LSM4: variants seen among roughly 807,000 people sequenced by gnomAD.
LSM4 encodes U6 snRNA-associated Sm-like protein LSm4.
A neutral mutation model predicts 22.3 loss-of-function variants in LSM4; 15 were observed. The ratio of observed to expected loss-of-function variants is 0.67; its 90% CI spans 0.45 to 1.03. The LOEUF (loss-of-function observed/expected upper bound fraction) is 1.03, where lower values mean the gene tolerates loss of function less well. Among genes scored for constraint, LSM4 ranks in the 50% least tolerant of loss-of-function variants. The pLI is 0.00. For missense variants in LSM4, 127 were observed against 198.0 expected (o/e 0.64, Z 2.15); for synonymous variants, 90 against 79.8 (o/e 1.13, Z -0.68).
chr19:18,315,200 A>C (rs892104615), intron 2 of LSM4, among the ~76,000 whole-genome samples: 5 of 152,038 alleles, frequency 3.3e-5, no homozygotes, highest in Admixed American at 3.3e-4. Context: ...TTTTGGAGAC[A>C]GGGTTTCACT....
rs773584834 is a variant in LSM4, at chr19:18,312,593, G to A, written c.144+11C>T. The A allele has an allele frequency of 6.8e-6, 11 of 1,611,326 alleles. No individual in the cohort carries two copies. The highest frequency in any genetic ancestry group is 2.2e-5 in the South Asian group (2 of 91,038). On this transcript the variant is annotated intron_variant, in intron 3 of 4. Transcript: ENST00000593829. ...CTGCATCCCACCCCCGTTGGTGGGTGCAGCACCCACCCTGGACGTGCAGAT... is the reference window on the plus strand; with the variant it reads ...CTGCATCCCACCCCCGTTGGTGGGTACAGCACCCACCCTGGACGTGCAGAT...
intron 2 of LSM4, among the ~76,000 whole-genome samples, chr19:18,314,061 G>A (rs577671850): frequency 2.6e-5 from 4 of 152,076 alleles, no homozygotes; most frequent in South Asian, 4.2e-4. Context: ...TGATCCACCC[G>A]CCTTGGCCTC....
chr19:18,308,796 G>A (rs1427616065), intron 4 of LSM4, among the ~76,000 whole-genome samples: 3 of 152,320 alleles, frequency 2.0e-5, no homozygotes, highest in South Asian at 2.1e-4. Flanking sequence ...GCTGGCCTGG[G>A]CCACCAACCT....
chr19:18,311,211 G>A (rs1664126047), intron 3 of LSM4, among the ~76,000 whole-genome samples: 1 of 152,144 alleles, frequency 6.6e-6, no homozygotes, highest in South Asian at 2.1e-4. Flanking sequence ...CCTGGGCAGG[G>A]CCTGAGCTCA....
chr19:18,320,642 T>C (rs1025179524), intron 1 of LSM4, among the ~76,000 whole-genome samples: 4 of 151,568 alleles, frequency 2.6e-5, no homozygotes, highest in Non-Finnish European at 5.9e-5. Flanking sequence ...CTACTGAAAA[T>C]ACAAAAATTA....
chr19:18,308,889 G>A (rs1331625310), intron 4 of LSM4, among the ~76,000 whole-genome samples: 1 of 152,152 alleles, frequency 6.6e-6, no homozygotes, highest in Non-Finnish European at 1.5e-5. Flanking sequence ...GCACTCCATG[G>A]CCCAGTGGCT....
At chr19:18,307,908 C>T (rs1193637691) in intron 4 of LSM4, among the ~76,000 whole-genome samples, 1 of 150,584 alleles carries the variant, frequency 6.6e-6, no homozygotes, top group Non-Finnish European at 1.5e-5. Context: ...AGGCGTGGAG[C>T]AGAGACCAGG....
At chr19:18,322,393 C>G (rs932816577) in intron 1 of LSM4, among the ~76,000 whole-genome samples, 2 of 152,124 alleles carry the variant, frequency 1.3e-5, no homozygotes, top group African/African-American at 4.8e-5. Context: ...GAGACCTGGG[C>G]CGCAATTTTT....
chr19:18,316,337 ATTTTTT>A (rs35435536), intron 1 of LSM4: 29 of 123,246 alleles, frequency 2.4e-4, no homozygotes, highest in South Asian at 1.4e-3. Flanking sequence ...ACTCTGGTCA[ATTTTTT>A]TTTTTTTTTT....
chr19:18,319,983 A>G lies in LSM4; in HGVS notation c.3+3035T>C, dbSNP rs916673120. Among the ~76,000 whole-genome samples, 101 of 152,170 alleles carry G rather than the reference A, an allele frequency of 6.6e-4. 1 individual carries two copies. The highest frequency in any genetic ancestry group is 2.3e-3 in the African/African-American group (97 of 41,438). The stretch of plus-strand genomic sequence containing the variant: ...ATAAATACACAAGAAAAATGCACAC[A>G]CTACCCAGGGAGGCATGCAGGGAAG... On this transcript the variant is annotated intron_variant, in intron 1 of 4. Transcript: ENST00000593829.
intron 1 of LSM4, among the ~76,000 whole-genome samples, chr19:18,319,299 C>G (rs1970396411): frequency 6.6e-6 from 1 of 151,864 alleles, no homozygotes; most frequent in Non-Finnish European, 1.5e-5. Flanking sequence ...CGCCGTGGCT[C>G]ATGCCTGTAA....
intron 2 of LSM4, 43 bp from the exon 3 acceptor site, chr19:18,312,745 C>A: frequency 2.0e-6 from 3 of 1,473,742 alleles, no homozygotes; most frequent in African/African-American, 1.4e-5. Context: ...GCCCTGGAGC[C>A]CTGCGCCATG....
At chr19:18,319,238 T>TC (rs1361169571) in intron 1 of LSM4, among the ~76,000 whole-genome samples, 1 of 145,018 alleles carries the variant, frequency 6.9e-6, no homozygotes, top group African/African-American at 2.6e-5. Context: ...CGAGACTGTT[T>TC]CAAAAAAAAA....
intron 1 of LSM4, among the ~76,000 whole-genome samples, chr19:18,317,625 G>A (rs1370995322): frequency 1.3e-5 from 2 of 152,128 alleles, no homozygotes; most frequent in South Asian, 4.1e-4. Flanking sequence ...GGGATTACAG[G>A]CGTGAGCCAC....
At chr19:18,319,609 C>T (rs1280688685) in intron 1 of LSM4, among the ~76,000 whole-genome samples, 2 of 152,098 alleles carry the variant, frequency 1.3e-5, no homozygotes, top group Non-Finnish European at 2.9e-5. Context: ...TGGTGCAGAC[C>T]CACTCTCACA....
In LSM4 at chr19:18,323,065, G is replaced by C. The variant is rs1000597842; in HGVS notation, c.-45C>G. Reference sequence around the variant, plus strand: ...CTCGCCGGCCACTTCCGCCGCCGCCGCTGCACACGCTCCCGGCGGTCGTCG... The same window carrying C: ...CTCGCCGGCCACTTCCGCCGCCGCCCCTGCACACGCTCCCGGCGGTCGTCG... On this transcript the variant is annotated 5_prime_UTR_variant, in exon 1 of 5. Transcript: ENST00000593829. 1 of 1,493,132 alleles carries C rather than the reference G, an allele frequency of 6.7e-7. No individual in the cohort carries two copies. Among genetic ancestry groups the C allele is most frequent in the Non-Finnish European group, 8.9e-7 (1 of 1,128,860 alleles). The allele number at this position is 1,493,132 out of a possible 1,614,324, so 92.5% of individuals were successfully genotyped here. A position where few individuals can be genotyped will look rare whatever the true frequency, so the allele number is the denominator to read the frequency against.
At chr19:18,318,662 G>A (rs1970387379) in intron 1 of LSM4, among the ~76,000 whole-genome samples, 1 of 152,240 alleles carries the variant, frequency 6.6e-6, no homozygotes, top group African/African-American at 2.4e-5. Context: ...GATCACCAGG[G>A]AAGGCGCAGA....
At chr19:18,322,672 GT>G (rs1338588423) in intron 1 of LSM4, among the ~76,000 whole-genome samples, 7 of 151,674 alleles carry the variant, frequency 4.6e-5, no homozygotes, top group Admixed American at 2.6e-4. Context: ...GGCCCGAAGC[GT>G]AAGGGACCCC....
At chr19:18,322,810 C>T (rs981146213) in intron 1 of LSM4, among the ~76,000 whole-genome samples, 2 of 152,106 alleles carry the variant, frequency 1.3e-5, no homozygotes, top group African/African-American at 4.8e-5. Context: ...GATACAAGTC[C>T]GTGCAACCCT....
Sources: gnomAD v4.1 joint callset for allele counts (sites outside exome capture counted in the v4.1 genomes callset) on GRCh38, gnomAD v4.1.1 for gene constraint, MANE v1.5 for transcripts, NCBI Gene and HGNC (gene_info 2026-07-23, HGNC 2026-07-21) for gene names.